Variants in DAB1 observed in about 807,000 individuals in gnomAD.
The protein encoded by DAB1 is DAB adaptor protein 1, also known as disabled homolog 1.
In DAB1, 15 loss-of-function variants were observed where a neutral mutation model predicts 64.6. That is an observed-to-expected ratio of 0.23 (90% CI 0.16 to 0.36). The LOEUF (loss-of-function observed/expected upper bound fraction) is 0.36. DAB1 is among the 10% of genes least tolerant of loss of function. The pLI, the probability that DAB1 is intolerant of heterozygous loss-of-function variation, is 1.00. For synonymous variants in DAB1, 235 were observed against 251.9 expected, an observed-to-expected ratio of 0.93 and a Z score of 0.64; for missense variants, 596 against 706.7, an observed-to-expected ratio of 0.84 and a Z score of 1.78.
chr1:58,149,083 AC>A (rs775136353), intron 5 of DAB1, among the ~76,000 whole-genome samples: 33 of 151,918 alleles, frequency 2.2e-4, no homozygotes, highest in Non-Finnish European at 4.4e-4. Flanking sequence ...AGTAATTTCT[AC>A]CCCTTTCTCT....
chr1:57,547,327 T>C (rs1289698459), intron 7 of DAB1, among the ~76,000 whole-genome samples: 4 of 152,186 alleles, frequency 2.6e-5, no homozygotes, highest in African/African-American at 9.7e-5. Flanking sequence ...AGTTTCTTTC[T>C]TTAAAAGAGT....
At chr1:57,053,684 A>T (rs1268757137) in intron 9 of DAB1, among the ~76,000 whole-genome samples, 91 of 91,212 alleles carry the variant, frequency 1.0e-3, no homozygotes, top group African/African-American at 3.3e-3. Context: ...ATATATATAT[A>T]TATATTTTTT....
intron 3 of DAB1, among the ~76,000 whole-genome samples, chr1:58,427,027 G>C (rs1009858334): frequency 5.3e-5 from 8 of 152,172 alleles, no homozygotes; most frequent in African/African-American, 1.7e-4. Context: ...AAGTGCAAAG[G>C]CTCTGAATTG....
intron 5 of DAB1, among the ~76,000 whole-genome samples, chr1:57,969,586 A>G (rs1420419186): frequency 2.0e-5 from 3 of 152,224 alleles, no homozygotes; most frequent in Non-Finnish European, 2.9e-5. Context: ...ACAGATATCA[A>G]AGTATAAGTA....
chr1:58,421,321 T>A (rs994684189), intron 3 of DAB1, among the ~76,000 whole-genome samples: 3 of 152,260 alleles, frequency 2.0e-5, no homozygotes, highest in African/African-American at 7.2e-5. Context: ...TATATTGTGA[T>A]GAATTTATTC....
chr1:57,704,602 C>G (rs1378701888), intron 6 of DAB1, among the ~76,000 whole-genome samples: 1 of 152,122 alleles, frequency 6.6e-6, no homozygotes, highest in Non-Finnish European at 1.5e-5. Flanking sequence ...ACATTATTAA[C>G]TATTTGGCCT....
chr1:58,324,473 G>A (rs947417139), intron 4 of DAB1, among the ~76,000 whole-genome samples: 21 of 152,022 alleles, frequency 1.4e-4, no homozygotes, highest in Admixed American at 9.2e-4. Flanking sequence ...AAGACTAATC[G>A]TCTCACTTTT....
intron 5 of DAB1, among the ~76,000 whole-genome samples, chr1:58,067,220 A>G (rs1256592870): frequency 6.6e-6 from 1 of 152,230 alleles, no homozygotes; most frequent in Non-Finnish European, 1.5e-5. Context: ...TCATTGTTTA[A>G]TGTCTATTTT....
intron 2 of DAB1, among the ~76,000 whole-genome samples, chr1:57,275,827 G>T (rs925603829): frequency 6.6e-6 from 1 of 152,052 alleles, no homozygotes; most frequent in African/African-American, 2.4e-5. Flanking sequence ...TCCCCTGCCC[G>T]CAAAACACAG....
At chr1:57,706,748 G>T (rs143928881) in intron 6 of DAB1, among the ~76,000 whole-genome samples, 1 of 151,872 alleles carries the variant, frequency 6.6e-6, no homozygotes, top group East Asian at 1.9e-4. Context: ...GTTTTATCAC[G>T]TGTGAATTCA....
chr1:58,098,729 A>T (rs1434369214), intron 5 of DAB1, among the ~76,000 whole-genome samples: 2 of 152,190 alleles, frequency 1.3e-5, no homozygotes, highest in Non-Finnish European at 2.9e-5. Context: ...TTCAGACACA[A>T]ACATGTACAG....
At chr1:58,150,536 C>G (rs1229526175) in exon 5 of DAB1, 2 of 150,910 alleles carry the variant, frequency 1.3e-5, no homozygotes, top group Non-Finnish European at 1.5e-5. Context: ...CTTGGACTCA[C>G]ACTCTCCAAG....
At chr1:57,105,025 A>G (rs1039512915) in intron 4 of DAB1, among the ~76,000 whole-genome samples, 1 of 152,134 alleles carries the variant, frequency 6.6e-6, no homozygotes, top group Non-Finnish European at 1.5e-5. Context: ...CAACATTTGT[A>G]CACAAATGAA....
intron 6 of DAB1, among the ~76,000 whole-genome samples, chr1:57,740,533 T>G (rs1168025197): frequency 6.6e-6 from 1 of 152,218 alleles, no homozygotes; most frequent in Non-Finnish European, 1.5e-5. Flanking sequence ...TGAACACTTA[T>G]GTGGAAGTAT....
At chr1:57,257,232 G>A (rs540164341) in intron 2 of DAB1, among the ~76,000 whole-genome samples, 2 of 152,218 alleles carry the variant, frequency 1.3e-5, no homozygotes, top group East Asian at 3.9e-4. Context: ...CCCCTACTTG[G>A]TGGCCATGGT....
chr1:57,748,778 G>GTAT (rs34713790), intron 6 of DAB1, among the ~76,000 whole-genome samples: 88,965 of 151,610 alleles, frequency 0.59, 26,154 homozygotes, highest in Admixed American at 0.62. Context: ...AATCTTTAGA[G>GTAT]TAGGATTCTT....
intron 3 of DAB1, among the ~76,000 whole-genome samples, chr1:58,435,226 G>T (rs932124824): frequency 6.6e-6 from 1 of 152,070 alleles, no homozygotes; most frequent in African/African-American, 2.4e-5. Context: ...TCCTCCCTCA[G>T]GATTCTGAAC....
intron 7 of DAB1, among the ~76,000 whole-genome samples, chr1:57,450,926 C>A (rs1686325903): frequency 6.6e-6 from 1 of 152,170 alleles, no homozygotes; most frequent in African/African-American, 2.4e-5. Flanking sequence ...GTTATCTAAT[C>A]GTCTCACAGT....
intron 4 of DAB1, among the ~76,000 whole-genome samples, chr1:58,306,465 T>C (rs1662309236): frequency 6.6e-6 from 1 of 152,202 alleles, no homozygotes; most frequent in African/African-American, 2.4e-5. Context: ...GTCCAATTCC[T>C]GCGCTGTTTC....
Sources: allele counts gnomAD v4.1 joint callset (sites outside exome capture counted in the v4.1 genomes callset), GRCh38; gene constraint gnomAD v4.1.1; transcripts MANE v1.5; gene names NCBI Gene and HGNC (gene_info 2026-07-23, HGNC 2026-07-21).